PTPN7: variants seen among roughly 807,000 people sequenced by gnomAD.
The protein encoded by PTPN7 is tyrosine-protein phosphatase non-receptor type 7.
Under a neutral mutation model 50.3 loss-of-function variants are expected in PTPN7, and 33 were observed. The ratio of observed to expected loss-of-function variants is 0.66; its 90% confidence interval spans 0.50 to 0.88. The LOEUF (loss-of-function observed/expected upper bound fraction) is 0.88. Ranked by LOEUF, PTPN7 falls within the 40% of genes least tolerant of loss-of-function variation. The pLI, the probability that PTPN7 is intolerant of heterozygous loss-of-function variation, is 0.00. For synonymous variants in PTPN7, 185 were observed against 186.6 expected (o/e 0.99, Z 0.07); for missense variants, 412 against 475.4 (o/e 0.87, Z 1.24).
intron 8 of PTPN7, among the ~76,000 whole-genome samples, chr1:202,151,923 G>C (rs1255306049): frequency 6.6e-6 from 1 of 152,092 alleles, no homozygotes; most frequent in Non-Finnish European, 1.5e-5. Flanking sequence ...GACAAAAATA[G>C]GTTTTCCTTT....
chr1:202,158,015 C>A, intron 3 of PTPN7, 103 bp downstream of exon 3: 1 of 1,413,514 alleles, frequency 7.1e-7, no homozygotes, highest in Non-Finnish European at 9.6e-7. Flanking sequence ...TCCTAAGGGG[C>A]CCAAAGGGGA....
chr1:202,153,192 C>T (rs1411810041), intron 7 of PTPN7, among the ~76,000 whole-genome samples: 1 of 152,058 alleles, frequency 6.6e-6, no homozygotes, highest in Non-Finnish European at 1.5e-5. Context: ...CAGACAGTCT[C>T]ACTCCGTCAC....
Position 202,159,553 on chromosome 1 carries a change from G to T in PTPN7, c.-52-99C>A, listed in dbSNP as rs201128816. Reference sequence around the variant, plus strand: ...AGGTTTGCACTCTGTTTTCACTGGGGCGTCTTCTGTTCCCCAAGAGGTGGC... The same window carrying T: ...AGGTTTGCACTCTGTTTTCACTGGGTCGTCTTCTGTTCCCCAAGAGGTGGC... On this transcript the variant is annotated intron_variant, in intron 1 of 9. Coordinates refer to ENST00000691036, the MANE Select transcript of PTPN7 (RefSeq NM_002832.4). This position sits in a 1 kb window ranked among gnomAD's most constrained non-coding sequence, Gnocchi z 4.6. 2.2e-5 allele frequency: 33 copies of T among 1,512,468 alleles called. No individual in the cohort carries two copies. Among genetic ancestry groups the T allele is most frequent in the Non-Finnish European group, 2.8e-5 (32 of 1,133,006 alleles). The allele number at this position is 1,512,468 out of a possible 1,614,324, so 93.7% of individuals were successfully genotyped here.
chr1:202,155,458 C>T, intron 5 of PTPN7, 75 bp downstream of exon 5: 1 of 1,407,176 alleles, frequency 7.1e-7, no homozygotes, highest in Non-Finnish European at 9.9e-7. Flanking sequence ...GATCCACCAG[C>T]CATGGCTGGA....
rs141016298 is a variant in PTPN7 at position 202,152,801 on chromosome 1, G to T, written c.718-102C>A. 1.2e-4 allele frequency: 167 copies of T among 1,366,132 alleles called. 1 individual carries two copies. Among genetic ancestry groups the T allele is most frequent in the South Asian group, 9.3e-4 (70 of 75,146 alleles). 84.6% of individuals were successfully genotyped at this position (1,366,132 alleles called of 1,614,324 possible). ...GGGCAAGGGCTGGAATTACCCTGTG[G>T]GGGGGTCATCTACTCAAAGCAAGCT... On this transcript the variant is annotated intron_variant, in intron 7 of 9. Coordinates refer to ENST00000691036, the MANE Select transcript of PTPN7 (RefSeq NM_002832.4).
At chr1:202,155,709 G>T in intron 4 of PTPN7, 100 bp from the exon 5 acceptor site, 1 of 1,021,846 alleles carries the variant, frequency 9.8e-7, no homozygotes, top group Non-Finnish European at 1.5e-6. Flanking sequence ...GCTCATCACA[G>T]TCATAGCACC....
intron 7 of PTPN7, among the ~76,000 whole-genome samples, chr1:202,152,911 G>T (rs1330490700): frequency 3.9e-5 from 6 of 152,200 alleles, no homozygotes; most frequent in Non-Finnish European, 7.3e-5. Flanking sequence ...AGAGGGGAGA[G>T]ACCCAAATTC....
intron 8 of PTPN7, among the ~76,000 whole-genome samples, chr1:202,152,014 A>G (rs186432812): frequency 6.6e-6 from 1 of 152,122 alleles, no homozygotes; most frequent in Non-Finnish European, 1.5e-5. Context: ...AGTTTGAGCA[A>G]TTCTCCTGCC....
chr1:202,150,229 TG>T, intron 9 of PTPN7, 81 bp downstream of exon 9: 1 of 1,060,552 alleles, frequency 9.4e-7, no homozygotes, highest in Non-Finnish European at 1.4e-6. Context: ...TTGATGGTGA[TG>T]GGCCTAGCAG....
At chr1:202,158,488 G>A in intron 2 of PTPN7, 187 bp from the exon 3 acceptor site, 1 of 571,412 alleles carries the variant, frequency 1.8e-6, no homozygotes, top group Non-Finnish European at 3.0e-6. Flanking sequence ...AGCCTCCAGA[G>A]TAACTGGGAC....
At chr1:202,161,535 G>T, upstream of PTPN7, 1 of 1,288,978 alleles carries the variant, frequency 7.8e-7, no homozygotes, top group Non-Finnish European at 1.0e-6. Flanking sequence ...CAGGCTCCTT[G>T]CGGGCCAGCA....
intron 8 of PTPN7, 39 bp downstream of exon 8, chr1:202,152,503 G>A: frequency 6.3e-7 from 1 of 1,599,992 alleles, no homozygotes; most frequent in Non-Finnish European, 8.5e-7. Context: ...GGGGAGGGGA[G>A]CACAGTCCAC....
Position 202,159,598 on chromosome 1 carries a change from G to A in PTPN7, c.-52-144C>T. Reference sequence around the variant, plus strand: ...GGTGGCCTCATTTTCACTAAGGGAAGGACAGGATCTATTTGGTGGGACCCA... The same window carrying A: ...GGTGGCCTCATTTTCACTAAGGGAAAGACAGGATCTATTTGGTGGGACCCA... On this transcript the variant is annotated intron_variant, in intron 1 of 9. Coordinates refer to ENST00000691036, the MANE Select transcript of PTPN7 (RefSeq NM_002832.4). The surrounding 1 kb of genome is among the most constrained non-coding windows in gnomAD (Gnocchi z 4.6). The A allele has an allele frequency of 2.0e-6, 3 of 1,486,786 alleles. No individual in the cohort carries two copies. The highest frequency in any genetic ancestry group is 2.7e-6 in the Non-Finnish European group (3 of 1,122,810). 92.1% of individuals were successfully genotyped at this position (1,486,786 alleles called of 1,614,324 possible).
At chr1:202,161,390 C>G, upstream of PTPN7, 13 of 1,276,412 alleles carry the variant, frequency 1.0e-5, no homozygotes, top group Non-Finnish European at 1.3e-5. Flanking sequence ...GACTTACAGA[C>G]AGTGGACAGT....
Position 202,154,264 on chromosome 1 carries a change from C to T in PTPN7, c.528G>A (p.Val176=). The T allele has an allele frequency of 1.2e-6, 2 of 1,614,168 alleles. No individual in the cohort carries two copies. Among genetic ancestry groups the T allele is most frequent in the Non-Finnish European group, 1.7e-6 (2 of 1,180,030 alleles). The change falls in exon 6 of 10, where the codon GTG becomes GTA. Residue 176 remains valine (V), a synonymous_variant. Coordinates refer to ENST00000691036, the MANE Select transcript of PTPN7 (RefSeq NM_002832.4). ...GCCACACCATCTCCCAGAAGTCCGA[C>T]ACAGTGTTGGGCATGGGGCCCTGGG... is the stretch of plus-strand genomic sequence containing the variant. ...IATQGPMPNT[V]SDFWEMVWQE...
chr1:202,159,573 G>C lies in PTPN7; in HGVS notation c.-52-119C>G, dbSNP rs1657120367. The stretch of plus-strand genomic sequence containing the variant: ...CTGGGGCGTCTTCTGTTCCCCAAGA[G>C]GTGGCCTCATTTTCACTAAGGGAAG... On this transcript the variant is annotated intron_variant, in intron 1 of 9. Transcript: ENST00000691036. The surrounding 1 kb of genome is among the most constrained non-coding windows in gnomAD (Gnocchi z 4.6). 5.4e-6 allele frequency: 8 copies of C among 1,494,572 alleles called. 1 individual carries two copies. The East Asian group carries it at 1.8e-4, about 34-fold the overall frequency. 92.6% of individuals were successfully genotyped at this position (1,494,572 alleles called of 1,614,324 possible). A position where few individuals can be genotyped will look rare whatever the true frequency, so the allele number is the denominator to read the frequency against.
rs142836510 is a variant in PTPN7 at position 202,150,336 on chromosome 1, T to C, written c.964A>G (p.Ile322Val). 16 of 1,612,800 alleles carry C rather than the reference T, an allele frequency of 9.9e-6. No homozygotes were observed. The highest frequency in any genetic ancestry group is 1.6e-4 in the Middle Eastern group (1 of 6,062). The change falls in exon 9 of 10, where the codon ATT becomes GTT. Residue 322 changes from isoleucine (I) to valine (V), a missense_variant. Transcript: ENST00000691036. ...KARGEVDILGIVCQLRLDRGG... is the reference protein window; with the variant it reads ...KARGEVDILGVVCQLRLDRGG... ...CTGTCTAGCCGCAGTTGGCACACAA[T>C]ACCCAGAATGTCCACTTCTCCTCGG...
chr1:202,157,702 T>C (rs763654957), intron 4 of PTPN7, 37 bp downstream of exon 4: 1 of 1,571,242 alleles, frequency 6.4e-7, no homozygotes, highest in Non-Finnish European at 8.8e-7. Context: ...CCCCAGGGAC[T>C]GTACCCGACT....
At chr1:202,153,243 C>T (rs1227416194) in intron 7 of PTPN7, among the ~76,000 whole-genome samples, 1 of 152,116 alleles carries the variant, frequency 6.6e-6, no homozygotes, top group Non-Finnish European at 1.5e-5. Flanking sequence ...CTCACTGCAA[C>T]CTCTGCCTCC....
Sources: gnomAD v4.1 joint callset for allele counts (sites outside exome capture counted in the v4.1 genomes callset) on GRCh38, gnomAD v4.1.1 for gene constraint, Gnocchi (gnomAD v3.1) non-coding constraint, MANE v1.5 for transcripts, NCBI Gene and HGNC (gene_info 2026-07-23, HGNC 2026-07-21) for gene names.